Variants in NBAS observed in about 807,000 individuals in gnomAD.
NBAS encodes the protein NBAS subunit of NRZ tethering complex.
NBAS carries 219 observed loss-of-function variants against 302.5 expected under a neutral mutation model. The ratio of observed to expected loss-of-function variants is 0.72; its 90% CI spans 0.65 to 0.81. NBAS has a LOEUF of 0.81. Among genes scored for constraint, NBAS ranks in the 30% least tolerant of loss-of-function variants. The pLI, the probability that NBAS is intolerant of heterozygous loss-of-function variation, is 0.00. For synonymous variants in NBAS, 1,118 were observed against 1,021.6 expected (o/e 1.09, Z -1.80); for missense variants, 2,932 against 2,841.6 (o/e 1.03, Z -0.72).
the NBAS span, among the ~76,000 whole-genome samples, chr2:15,096,231 T>G: frequency 1.3e-5 from 2 of 152,210 alleles, no homozygotes; most frequent in African/African-American, 4.8e-5. Context: ...CTTTGCTTTT[T>G]CAAGACCAGC....
chr2:15,011,198 G>C, the NBAS span, among the ~76,000 whole-genome samples: 3 of 152,080 alleles, frequency 2.0e-5, no homozygotes, highest in Non-Finnish European at 2.9e-5. Context: ...AGGGTAGATA[G>C]GATGGGAAAG....
chr2:15,208,888 A>C (rs1268711611), intron 48 of NBAS, among the ~76,000 whole-genome samples: 1 of 152,208 alleles, frequency 6.6e-6, no homozygotes, highest in African/African-American at 2.4e-5. Flanking sequence ...CATCTTAAAG[A>C]GCTAGAAAAG....
the NBAS span, among the ~76,000 whole-genome samples, chr2:15,073,626 A>G: frequency 9.9e-5 from 15 of 151,882 alleles, no homozygotes; most frequent in Non-Finnish European, 1.5e-4. Flanking sequence ...TTCTTTTACT[A>G]CTTAAATATA....
chr2:14,870,899 ATTGT>A, the NBAS span, among the ~76,000 whole-genome samples: 39 of 152,222 alleles, frequency 2.6e-4, no homozygotes, highest in African/African-American at 8.7e-4. Context: ...GAATGATGCA[ATTGT>A]TTAATAATGA....
chr2:15,412,437 GACACTTGTGAGAAAT>G (rs1474925003), intron 25 of NBAS, among the ~76,000 whole-genome samples: 1 of 152,204 alleles, frequency 6.6e-6, no homozygotes, highest in Non-Finnish European at 1.5e-5. Context: ...GCTGACGTTT[GACACTTGTGAGAAAT>G]AAATGTTCGC....
chr2:15,358,112 A>C (rs1328226574), intron 32 of NBAS, among the ~76,000 whole-genome samples: 1 of 152,098 alleles, frequency 6.6e-6, no homozygotes, highest in Non-Finnish European at 1.5e-5. Context: ...CCCATTATTT[A>C]AGGTAACTAT....
intron 12 of NBAS, among the ~76,000 whole-genome samples, chr2:15,479,226 T>C (rs1308083374): frequency 6.6e-6 from 1 of 152,134 alleles, no homozygotes; most frequent in Non-Finnish European, 1.5e-5. Context: ...GAAAAAAAAT[T>C]ACCATAAAAG....
intron 11 of NBAS, among the ~76,000 whole-genome samples, chr2:15,493,701 A>T (rs1371243281): frequency 6.6e-6 from 1 of 151,980 alleles, no homozygotes; most frequent in Admixed American, 6.6e-5. Context: ...AACCTCAAAC[A>T]TTTAAACCAT....
intron 44 of NBAS, among the ~76,000 whole-genome samples, chr2:15,256,143 CA>C (rs1407997697): frequency 6.6e-6 from 1 of 151,988 alleles, no homozygotes; most frequent in Non-Finnish European, 1.5e-5. Context: ...CTGCTTTTGG[CA>C]ATATGGTCAT....
intron 31 of NBAS, among the ~76,000 whole-genome samples, chr2:15,374,196 A>AT (rs1315002508): frequency 2.0e-5 from 3 of 152,252 alleles, no homozygotes; most frequent in African/African-American, 7.2e-5. Context: ...TGAGTCAAGC[A>AT]TAAAAAGAAA....
chr2:15,192,252 T>G (rs1453146746), intron 48 of NBAS, among the ~76,000 whole-genome samples: 2 of 135,564 alleles, frequency 1.5e-5, no homozygotes, highest in Non-Finnish European at 3.1e-5. Context: ...TTTTTTTTTG[T>G]CCACTGGTCT....
the NBAS span, among the ~76,000 whole-genome samples, chr2:15,142,328 G>A: frequency 6.6e-6 from 1 of 152,232 alleles, no homozygotes; most frequent in Non-Finnish European, 1.5e-5. Context: ...GAGAGGCACA[G>A]GTGTGTGGGC....
At chr2:15,555,148 G>C (rs1664588686) in intron 3 of NBAS, among the ~76,000 whole-genome samples, 1 of 151,960 alleles carries the variant, frequency 6.6e-6, no homozygotes, top group African/African-American at 2.4e-5. Context: ...CTACACGGGA[G>C]GCTAAGGCAG....
chr2:15,544,362 G>A (rs910547080), intron 6 of NBAS, among the ~76,000 whole-genome samples: 4 of 152,178 alleles, frequency 2.6e-5, no homozygotes, highest in African/African-American at 9.6e-5. Context: ...AATGGTGAAG[G>A]GAGGGAGGAA....
chr2:15,509,319 G>A (rs570045493), intron 10 of NBAS, among the ~76,000 whole-genome samples: 1 of 152,092 alleles, frequency 6.6e-6, no homozygotes, highest in Non-Finnish European at 1.5e-5. Context: ...GTGAAATGTG[G>A]CCAATAATAC....
chr2:15,423,405 G>T (rs1217888007), intron 23 of NBAS, among the ~76,000 whole-genome samples: 1 of 152,056 alleles, frequency 6.6e-6, no homozygotes, highest in Non-Finnish European at 1.5e-5. Flanking sequence ...ATTAGGTTAA[G>T]CAGAAATTCA....
At chr2:15,169,769 G>T (rs1304388605) in intron 51 of NBAS, among the ~76,000 whole-genome samples, 2 of 152,224 alleles carry the variant, frequency 1.3e-5, no homozygotes, top group East Asian at 3.9e-4. Context: ...AGCTGAGCAA[G>T]ATTTGTGGAA....
the NBAS span, among the ~76,000 whole-genome samples, chr2:14,943,930 T>G: frequency 6.6e-6 from 1 of 152,106 alleles, no homozygotes; most frequent in Non-Finnish European, 1.5e-5. Flanking sequence ...GGAACCACAT[T>G]GGTCCACAAA....
intron 12 of NBAS, among the ~76,000 whole-genome samples, chr2:15,486,920 CAA>C (rs545038937): frequency 1.6e-5 from 2 of 124,940 alleles, no homozygotes. Flanking sequence ...CTTTGCAGGA[CAA>C]AAAAAAAAAA....
Sources: gnomAD v4.1 joint callset for allele counts (sites outside exome capture counted in the v4.1 genomes callset) on GRCh38, gnomAD v4.1.1 for gene constraint, MANE v1.5 for transcripts, NCBI Gene and HGNC (gene_info 2026-07-23, HGNC 2026-07-21) for gene names.